The following CCDC63 variants were observed in gnomAD, a reference collection of about 807,000 sequenced individuals.
CCDC63 encodes the protein coiled-coil domain containing 63.
A neutral mutation model predicts 63.6 loss-of-function variants in CCDC63; 54 were observed. The ratio of observed to expected loss-of-function variants is 0.85; its 90% CI spans 0.68 to 1.07. The LOEUF (loss-of-function observed/expected upper bound fraction) is 1.07. Among genes scored for constraint, CCDC63 ranks in the 50% least tolerant of loss-of-function variants. The pLI, the probability that CCDC63 is intolerant of heterozygous loss-of-function variation, is 0.00. For missense variants in CCDC63, 637 were observed against 689.6 expected (o/e 0.92, Z 0.86); for synonymous variants, 253 against 266.1 (o/e 0.95, Z 0.48).
chr12:110,899,202 C>A, intron 10 of CCDC63, 77 bp downstream of exon 10: 1 of 1,332,008 alleles, frequency 7.5e-7, no homozygotes, highest in South Asian at 1.5e-5. Context: ...AGGCCTTGCT[C>A]TTATGGAGTA....
intron 5 of CCDC63, among the ~76,000 whole-genome samples, chr12:110,878,930 G>A (rs1311878073): frequency 1.3e-5 from 2 of 152,106 alleles, no homozygotes; most frequent in Non-Finnish European, 2.9e-5. Flanking sequence ...AGACATACAG[G>A]AAAGTAGAGG....
intron 1 of CCDC63, among the ~76,000 whole-genome samples, chr12:110,852,432 T>G (rs1244224844): frequency 6.6e-6 from 1 of 152,100 alleles, no homozygotes; most frequent in Non-Finnish European, 1.5e-5. Context: ...GCTAATTTTT[T>G]TGTATTTTTT....
chr12:110,895,007 C>T (rs1266346411), intron 9 of CCDC63, among the ~76,000 whole-genome samples: 1 of 152,178 alleles, frequency 6.6e-6, no homozygotes, highest in African/African-American at 2.4e-5. Flanking sequence ...GTCCACCTCC[C>T]GGGTTCAAGC....
intron 5 of CCDC63, among the ~76,000 whole-genome samples, chr12:110,876,380 T>A (rs1037648739): frequency 2.6e-5 from 4 of 152,244 alleles, no homozygotes; most frequent in Admixed American, 2.6e-4. Context: ...TCCCAGGGAC[T>A]CCCCTACCTT....
At chr12:110,883,410 C>T (rs934966679) in intron 7 of CCDC63, among the ~76,000 whole-genome samples, 18 of 152,102 alleles carry the variant, frequency 1.2e-4, no homozygotes, top group African/African-American at 4.3e-4. Flanking sequence ...AGGGCTCAAC[C>T]CCTGTGCTGG....
chr12:110,865,549 G>T (rs1055958379), intron 4 of CCDC63, among the ~76,000 whole-genome samples: 1 of 151,106 alleles, frequency 6.6e-6, no homozygotes, highest in Admixed American at 6.6e-5. Flanking sequence ...AGAAATAAGA[G>T]TTCTGGCTTT....
At chr12:110,899,494 A>G (rs144597752) in intron 10 of CCDC63, among the ~76,000 whole-genome samples, 1,851 of 151,788 alleles carry the variant, frequency 0.012, 13 homozygotes, top group Non-Finnish European at 0.015. Context: ...GATTTTTTGT[A>G]TTTTTTGTAG....
intron 4 of CCDC63, among the ~76,000 whole-genome samples, chr12:110,868,210 G>T (rs1593658125): frequency 7.1e-6 from 1 of 140,978 alleles, no homozygotes; most frequent in East Asian, 2.1e-4. Flanking sequence ...TTCCTAGATG[G>T]GATGGCGGCC....
intron 4 of CCDC63, among the ~76,000 whole-genome samples, chr12:110,868,513 C>T (rs981303522): frequency 3.3e-5 from 5 of 150,122 alleles, no homozygotes; most frequent in Non-Finnish European, 5.9e-5. Context: ...GCGGATCACT[C>T]GCGGTTAGGG....
In CCDC63 at chr12:110,889,696, C is replaced by T. The variant is rs796634182; in HGVS notation, c.1075-3380C>T. On this transcript the variant is annotated intron_variant, in intron 8 of 11. Coordinates refer to ENST00000308208, the MANE Select transcript of CCDC63 (RefSeq NM_152591.3). This position sits in a 1 kb window ranked among gnomAD's most constrained non-coding sequence, Gnocchi z 4.1. ...AGAGGCAGGGGCCATGGGAGATCTC[C>T]GAGCAGGGGAGCGGTGCCATCGACT... Among the ~76,000 whole-genome samples the T allele has an allele frequency of 2.0e-5, 3 of 152,168 alleles. No individual in the cohort carries two copies. The highest frequency in any genetic ancestry group is 4.8e-5 in the African/African-American group (2 of 41,516).
At position 110,881,050 on chromosome 12, in the gene CCDC63, G is replaced by A. The variant is rs565179230; in HGVS notation, c.672-65G>A. On this transcript the variant is annotated intron_variant, in intron 6 of 11. Coordinates refer to ENST00000308208, the MANE Select transcript of CCDC63 (RefSeq NM_152591.3). ...TCTAGGCAGGAAGGCCTTCTGGACT[G>A]GCAGGGAAAGGGAAGTAGAGAGGAG... The A allele has an allele frequency of 1.2e-4, 173 of 1,444,938 alleles. No individual in the cohort carries two copies. In the African/African-American group the frequency reaches 2.2e-3, roughly 19 times the overall value. 89.5% of individuals were successfully genotyped at this position (1,444,938 alleles called of 1,614,324 possible).
At chr12:110,883,636 C>CTTGT (rs549071860) in intron 7 of CCDC63, among the ~76,000 whole-genome samples, 9 of 151,114 alleles carry the variant, frequency 6.0e-5, no homozygotes, top group African/African-American at 1.5e-4. Context: ...TTTTTGTTTG[C>CTTGT]TTGTTTGTTT....
chr12:110,869,527 G>A (rs1403122938), intron 4 of CCDC63, among the ~76,000 whole-genome samples: 2 of 152,114 alleles, frequency 1.3e-5, no homozygotes, highest in African/African-American at 4.8e-5. Context: ...AGCATTAGCC[G>A]TCTGCTTCTA....
intron 1 of CCDC63, among the ~76,000 whole-genome samples, chr12:110,849,471 AGAG>A (rs2070678710): frequency 6.7e-6 from 1 of 150,354 alleles, no homozygotes; most frequent in African/African-American, 2.4e-5. Context: ...GCAGAAGGAG[AGAG>A]GAACACGAAC....
intron 9 of CCDC63, among the ~76,000 whole-genome samples, chr12:110,894,661 C>A (rs1200351519): frequency 1.3e-5 from 2 of 152,188 alleles, no homozygotes; most frequent in Non-Finnish European, 2.9e-5. Flanking sequence ...TCCACGGAGA[C>A]CCTCCCCAAG....
intron 9 of CCDC63, among the ~76,000 whole-genome samples, chr12:110,895,657 C>T (rs1232031382): frequency 6.6e-6 from 1 of 152,172 alleles, no homozygotes; most frequent in Non-Finnish European, 1.5e-5. Context: ...AGTGACTCAA[C>T]CTCTCTGAGC....
intron 8 of CCDC63, among the ~76,000 whole-genome samples, chr12:110,890,597 G>A (rs2071343418): frequency 6.6e-6 from 1 of 150,914 alleles, no homozygotes; most frequent in Non-Finnish European, 1.5e-5. Flanking sequence ...GCTTTATGAA[G>A]GCAGTGTGTG....
intron 4 of CCDC63, among the ~76,000 whole-genome samples, chr12:110,864,499 G>A (rs1433320989): frequency 6.6e-6 from 1 of 151,842 alleles, no homozygotes; most frequent in Non-Finnish European, 1.5e-5. Flanking sequence ...TGCGGTGGGA[G>A]GATCACCTGA....
chr12:110,880,097 G>C lies in CCDC63; in HGVS notation c.671+10G>C, dbSNP rs1479580016. 6.2e-7 allele frequency: 1 copy of C among 1,613,010 alleles called. No homozygotes were observed. The highest frequency in any genetic ancestry group is 1.7e-5 in the Admixed American group (1 of 59,970). On this transcript the variant is annotated intron_variant, in intron 6 of 11. Coordinates refer to ENST00000308208, the MANE Select transcript of CCDC63 (RefSeq NM_152591.3). Reference sequence around the variant, plus strand: ...AGGCCTATGAGCAGAGGTGGGCTGGGGATAGGTCCAGGGGCAGCGAGGTCT... The same window carrying C: ...AGGCCTATGAGCAGAGGTGGGCTGGCGATAGGTCCAGGGGCAGCGAGGTCT...
Sources: allele counts gnomAD v4.1 joint callset (sites outside exome capture counted in the v4.1 genomes callset), GRCh38; gene constraint gnomAD v4.1.1; non-coding constraint Gnocchi (gnomAD v3.1); transcripts MANE v1.5; gene names NCBI Gene and HGNC (gene_info 2026-07-23, HGNC 2026-07-21).